LYG2: variants seen among roughly 807,000 people sequenced by gnomAD.
LYG2 encodes the protein lysozyme g2.
Under a neutral mutation model 22.4 loss-of-function variants are expected in LYG2, and 25 were observed. That is an observed-to-expected ratio of 1.12 (90% CI 0.81 to 1.56). The LOEUF is 1.56. Among genes scored for constraint, LYG2 ranks in the 40% most tolerant of loss-of-function variants. The pLI is 0.00. For synonymous variants in LYG2, 88 were observed against 97.0 expected (o/e 0.91, Z 0.55); for missense variants, 266 against 269.5 (o/e 0.99, Z 0.09).
intron 3 of LYG2, among the ~76,000 whole-genome samples, chr2:99,250,453 C>T (rs1178735663): frequency 6.7e-6 from 1 of 149,684 alleles, no homozygotes; most frequent in Non-Finnish European, 1.5e-5. Flanking sequence ...TGGCTCACTG[C>T]AAGCTCCGCC....
In LYG2 at chr2:99,245,407, G is replaced by A. The variant is rs747171065; in HGVS notation, c.236C>T (p.Pro79Leu). The A allele has an allele frequency of 3.1e-6, 5 of 1,611,988 alleles. No individual in the cohort carries two copies. Among genetic ancestry groups the A allele is most frequent in the Non-Finnish European group, 3.4e-6 (4 of 1,179,006 alleles). Reference sequence around the variant, plus strand: ...GACTTCTTTGATCAGAGTCTGGTAAGGTTTTATGGCCCTCAAATCCATCTC... The same window carrying A: ...GACTTCTTTGATCAGAGTCTGGTAAAGTTTTATGGCCCTCAAATCCATCTC... The part of the protein sequence containing the change: ...FAEMDLRAIK[P>L]YQTLIKEVGQ... Residue 79 changes from proline (P) to leucine (L), a missense_variant, in exon 5 of 7, where the codon CCT (proline) becomes CTT (leucine). Coordinates refer to ENST00000333017, the MANE Select transcript of LYG2 (RefSeq NM_175735.4).
At chr2:99,259,517 G>A (rs764012381), upstream of LYG2, among the ~76,000 whole-genome samples, 22 of 152,144 alleles carry the variant, frequency 1.4e-4, no homozygotes, top group Non-Finnish European at 2.4e-4. Context: ...TTGAAAAAGG[G>A]ACTCCCTGTG....
chr2:99,242,474 A>G lies in LYG2; in HGVS notation c.529T>C (p.Ser177Pro). 6.2e-7 allele frequency: 1 copy of G among 1,603,884 alleles called. No individual in the cohort carries two copies. The highest frequency in any genetic ancestry group is 1.1e-5 in the South Asian group (1 of 90,258). ...GCTTCAATTCCTGACTTAAAAGCTG[A>G]GAGACCACCTGAAATGAAACACAGA... is the stretch of plus-strand genomic sequence containing the variant. ...SVAQHLKGGLSAFKSGIEAIA... is the reference protein window; with the variant it reads ...SVAQHLKGGLPAFKSGIEAIA... Residue 177 changes from serine to proline, a missense_variant, in exon 7 of 7, where the codon TCA becomes CCA. By Grantham distance (74) the Ser-to-Pro change is moderately conservative (BLOSUM62 -1). Transcript: ENST00000333017.
At chr2:99,244,540 C>A (rs973346177) in intron 5 of LYG2, among the ~76,000 whole-genome samples, 1 of 152,070 alleles carries the variant, frequency 6.6e-6, no homozygotes, top group East Asian at 1.9e-4. Flanking sequence ...ATTTGGATCC[C>A]CTTCCTCCAG....
intron 5 of LYG2, 89 bp from the exon 6 acceptor site, chr2:99,244,226 A>T: frequency 1.5e-6 from 2 of 1,308,052 alleles, no homozygotes; most frequent in Non-Finnish European, 2.1e-6. Flanking sequence ...TATTCAAGTC[A>T]TAGATACCGG....
chr2:99,244,731 C>T (rs2094012672), intron 5 of LYG2, among the ~76,000 whole-genome samples: 1 of 152,144 alleles, frequency 6.6e-6, no homozygotes, highest in African/African-American at 2.4e-5. Flanking sequence ...AGTTATGAAA[C>T]TCCTAAAATA....
upstream of LYG2, among the ~76,000 whole-genome samples, chr2:99,257,826 T>G (rs1003348862): frequency 6.6e-6 from 1 of 152,144 alleles, no homozygotes; most frequent in Admixed American, 6.5e-5. Flanking sequence ...CCTCAGCAAT[T>G]GGAAAACTTC....
chr2:99,248,264 T>C (rs2094019780), intron 3 of LYG2, among the ~76,000 whole-genome samples: 3 of 152,150 alleles, frequency 2.0e-5, no homozygotes, highest in South Asian at 4.1e-4. Context: ...ATCATGCTGC[T>C]ATAAAGACAC....
chr2:99,259,570 G>A (rs2094043507), upstream of LYG2, among the ~76,000 whole-genome samples: 1 of 152,148 alleles, frequency 6.6e-6, no homozygotes, highest in African/African-American at 2.4e-5. Flanking sequence ...AAATTTTAAA[G>A]TAACGTTTTC....
intron 3 of LYG2, among the ~76,000 whole-genome samples, chr2:99,250,661 A>G (rs2094025014): frequency 6.6e-6 from 1 of 152,214 alleles, no homozygotes; most frequent in Non-Finnish European, 1.5e-5. Context: ...GGCGTGAGCC[A>G]CCACGCCTGG....
intron 2 of LYG2, 95 bp from the exon 3 acceptor site, chr2:99,254,380 T>C: frequency 2.2e-6 from 2 of 928,668 alleles, no homozygotes; most frequent in Non-Finnish European, 3.3e-6. Context: ...TTAGAGTTAT[T>C]TCCAATTCAC....
chr2:99,255,446 C>A (rs1001639876), intron 1 of LYG2, among the ~76,000 whole-genome samples, 157 bp downstream of exon 1: 30 of 152,134 alleles, frequency 2.0e-4, no homozygotes, highest in Non-Finnish European at 3.1e-4. Flanking sequence ...ACCTAATGAA[C>A]CCCCAAGTTG....
upstream of LYG2, among the ~76,000 whole-genome samples, chr2:99,259,464 G>A (rs1480649454): frequency 1.3e-5 from 2 of 151,998 alleles, no homozygotes; most frequent in East Asian, 3.9e-4. Context: ...TGGGTCAGGT[G>A]CCCACCTCTG....
At chr2:99,255,860 G>A (rs1432472102), upstream of LYG2, among the ~76,000 whole-genome samples, 1 of 152,160 alleles carries the variant, frequency 6.6e-6, no homozygotes, top group Non-Finnish European at 1.5e-5. Flanking sequence ...ATTATAGCCA[G>A]GGATGAAAAC....
chr2:99,257,171 C>T (rs1170783012), upstream of LYG2, among the ~76,000 whole-genome samples: 1 of 152,238 alleles, frequency 6.6e-6, no homozygotes, highest in Non-Finnish European at 1.5e-5. Flanking sequence ...AATAACACCA[C>T]TCACAGATTT....
rs987992519 is a variant in LYG2 at position 99,245,468 on chromosome 2, T to A, written c.185-10A>T. 6.4e-7 allele frequency: 1 copy of A among 1,566,358 alleles called. No homozygotes were observed. Among genetic ancestry groups the A allele is most frequent in the African/African-American group, 1.4e-5 (1 of 73,526 alleles). On this transcript the variant is annotated splice_polypyrimidine_tract_variant and intron_variant, in intron 4 of 6. Coordinates refer to ENST00000333017, the MANE Select transcript of LYG2 (RefSeq NM_175735.4). Reference sequence around the variant, plus strand: ...TCAGAACCACGGATCCCTACGTCAATAGAAAAGAAACTGTTTTTCCGGGCA... The same window carrying A: ...TCAGAACCACGGATCCCTACGTCAAAAGAAAAGAAACTGTTTTTCCGGGCA...
chr2:99,249,197 G>A (rs942721241), intron 3 of LYG2, among the ~76,000 whole-genome samples: 4 of 152,082 alleles, frequency 2.6e-5, no homozygotes, highest in African/African-American at 7.2e-5. Flanking sequence ...GAGGCAGGAC[G>A]ATTGCTTGAG....
At chr2:99,244,956 C>CA (rs1051888441) in intron 5 of LYG2, among the ~76,000 whole-genome samples, 6 of 151,646 alleles carry the variant, frequency 4.0e-5, no homozygotes, top group African/African-American at 1.2e-4. Context: ...ACTAAAAATA[C>CA]AAAAAATTAG....
At chr2:99,243,917 T>C (rs1419930266) in intron 6 of LYG2, 82 bp downstream of exon 6, 2 of 1,540,608 alleles carry the variant, frequency 1.3e-6, no homozygotes, top group Admixed American at 1.7e-5. Flanking sequence ...GTGGAAATGC[T>C]CCCAGGGAGT....
Sources: gnomAD v4.1 joint callset for allele counts (sites outside exome capture counted in the v4.1 genomes callset) on GRCh38, gnomAD v4.1.1 for gene constraint, MANE v1.5 for transcripts, NCBI Gene and HGNC (gene_info 2026-07-23, HGNC 2026-07-21) for gene names.